The following CNTN4 variants were observed in gnomAD, a reference collection of about 807,000 sequenced individuals.
CNTN4 encodes the protein contactin 4, also known as contactin-4.
In CNTN4, 77 loss-of-function variants were observed where a neutral mutation model predicts 122.5. That is an observed-to-expected ratio of 0.63 (90% CI 0.52 to 0.76). CNTN4 has a LOEUF of 0.76. CNTN4 is among the 30% of genes least tolerant of loss of function. CNTN4 has a pLI of 0.00. For missense variants in CNTN4, 1,256 were observed against 1,259.1 expected, an observed-to-expected ratio of 1.00 and a Z score of 0.04; for synonymous variants, 512 against 447.0, an observed-to-expected ratio of 1.15 and a Z score of -1.83.
At chr3:2,253,900 G>T (rs1176144160) in intron 2 of CNTN4, among the ~76,000 whole-genome samples, 2 of 151,536 alleles carry the variant, frequency 1.3e-5, no homozygotes, top group African/African-American at 4.9e-5. Flanking sequence ...GTTCTTTTTG[G>T]TTATTATACT....
intron 14 of CNTN4, among the ~76,000 whole-genome samples, chr3:2,998,698 C>T (rs1332748307): frequency 6.6e-6 from 1 of 151,936 alleles, no homozygotes; most frequent in Non-Finnish European, 1.5e-5. Context: ...ATCTAATGGC[C>T]CCAGTACATG....
chr3:3,013,704 T>C (rs1185166348), intron 14 of CNTN4, among the ~76,000 whole-genome samples: 1 of 152,212 alleles, frequency 6.6e-6, no homozygotes, highest in Non-Finnish European at 1.5e-5. Flanking sequence ...TTGTAAACTA[T>C]GGAATGATCT....
rs367622420 is a variant in CNTN4 at position 2,938,624 on chromosome 3, C to T, written c.1358+12845C>T. Among the ~76,000 whole-genome samples the T allele has an allele frequency of 1.5e-4, 23 of 152,264 alleles. No individual in the cohort carries two copies. The East Asian group carries it at 2.9e-3, about 19-fold the overall frequency. On this transcript the variant is annotated intron_variant, in intron 13 of 24. Coordinates refer to ENST00000418658, the MANE Select transcript of CNTN4 (RefSeq NM_175607.3). ...TAAAAGGGAGATAAAGCTTTCGTTACCTCCCTGGCATAGGACTGGCATAGC... is the reference window on the plus strand; with the variant it reads ...TAAAAGGGAGATAAAGCTTTCGTTATCTCCCTGGCATAGGACTGGCATAGC...
intron 13 of CNTN4, among the ~76,000 whole-genome samples, chr3:2,940,940 T>C (rs1218158548): frequency 6.6e-6 from 1 of 152,160 alleles, no homozygotes; most frequent in Non-Finnish European, 1.5e-5. Flanking sequence ...TCCACACACA[T>C]TGACTTTCCC....
chr3:2,601,351 G>T (rs529620981), intron 4 of CNTN4, among the ~76,000 whole-genome samples: 8 of 152,150 alleles, frequency 5.3e-5, no homozygotes, highest in East Asian at 1.9e-4. Context: ...AATTTAAGTC[G>T]TTAATCCATC....
intron 2 of CNTN4, chr3:2,238,932 A>C (rs1224306232): frequency 2.3e-5 from 3 of 130,568 alleles, no homozygotes; most frequent in Admixed American, 1.7e-4. Context: ...TCACCGTGTT[A>C]GCCAGGATGG....
chr3:2,776,347 A>G (rs980359963), intron 6 of CNTN4, among the ~76,000 whole-genome samples: 5 of 147,720 alleles, frequency 3.4e-5, no homozygotes. Flanking sequence ...ATATTTAGGT[A>G]TATTTAATAT....
chr3:2,739,915 G>A (rs2089360674), intron 5 of CNTN4, among the ~76,000 whole-genome samples: 2 of 152,168 alleles, frequency 1.3e-5, no homozygotes, highest in South Asian at 2.1e-4. Context: ...TGGAAAGAAC[G>A]TTACTTTCCT....
At chr3:2,523,697 A>G (rs2149172495) in intron 3 of CNTN4, among the ~76,000 whole-genome samples, 1 of 152,234 alleles carries the variant, frequency 6.6e-6, no homozygotes, top group East Asian at 1.9e-4. Context: ...ACAACACTGC[A>G]GAGTCTCTCT....
chr3:2,154,546 T>C (rs2035637034), intron 2 of CNTN4, among the ~76,000 whole-genome samples: 1 of 152,186 alleles, frequency 6.6e-6, no homozygotes, highest in South Asian at 2.1e-4. Flanking sequence ...AATAACTTTT[T>C]TAAAAAGTGG....
At chr3:2,610,928 A>T (rs1451102411) in intron 4 of CNTN4, among the ~76,000 whole-genome samples, 1 of 152,184 alleles carries the variant, frequency 6.6e-6, no homozygotes, top group African/African-American at 2.4e-5. Context: ...ATGGGTACTT[A>T]AATTTCATTG....
At chr3:2,437,339 A>G (rs1238846268) in intron 3 of CNTN4, among the ~76,000 whole-genome samples, 1 of 152,194 alleles carries the variant, frequency 6.6e-6, no homozygotes, top group Admixed American at 6.5e-5. Context: ...AAAATACTGT[A>G]TAATAAAATA....
At chr3:2,547,127 A>G (rs908210933) in intron 3 of CNTN4, among the ~76,000 whole-genome samples, 1 of 152,134 alleles carries the variant, frequency 6.6e-6, no homozygotes, top group African/African-American at 2.4e-5. Context: ...CAAAAACTCC[A>G]GGTCTTCAAG....
At chr3:3,005,508 G>A (rs1696522511) in intron 14 of CNTN4, among the ~76,000 whole-genome samples, 1 of 152,138 alleles carries the variant, frequency 6.6e-6, no homozygotes. Flanking sequence ...CAAATTATTT[G>A]CCACTTTTTA....
intron 2 of CNTN4, among the ~76,000 whole-genome samples, chr3:2,218,429 A>G (rs1396087125): frequency 2.6e-5 from 4 of 152,202 alleles, no homozygotes. Context: ...CTGAAGGAAG[A>G]GGATCCCTCG....
intron 4 of CNTN4, among the ~76,000 whole-genome samples, chr3:2,574,776 A>T (rs2079584443): frequency 6.6e-6 from 1 of 152,112 alleles, no homozygotes; most frequent in Admixed American, 6.5e-5. Flanking sequence ...AAACTAGAAA[A>T]CAACATGCCC....
At chr3:2,375,431 C>CGGT (rs1308512660) in intron 3 of CNTN4, among the ~76,000 whole-genome samples, 1 of 152,090 alleles carries the variant, frequency 6.6e-6, no homozygotes, top group Non-Finnish European at 1.5e-5. Flanking sequence ...AAAGATATTA[C>CGGT]GGTGGCCCTA....
chr3:2,236,367 A>G (rs542216178), intron 2 of CNTN4, among the ~76,000 whole-genome samples: 19 of 152,230 alleles, frequency 1.2e-4, no homozygotes, highest in Admixed American at 2.6e-4. Flanking sequence ...TGCTCATTTA[A>G]TGTCATTTAA....
intron 2 of CNTN4, among the ~76,000 whole-genome samples, chr3:2,219,173 G>GT (rs1479636734): frequency 4.6e-5 from 7 of 152,196 alleles, no homozygotes; most frequent in Admixed American, 4.6e-4. Context: ...GATGTTTACA[G>GT]TAACTCTGGA....
Sources: allele counts gnomAD v4.1 joint callset (sites outside exome capture counted in the v4.1 genomes callset), GRCh38; gene constraint gnomAD v4.1.1; transcripts MANE v1.5; gene names NCBI Gene and HGNC (gene_info 2026-07-23, HGNC 2026-07-21).